The following ESRRG variants were observed in gnomAD, a reference collection of about 807,000 sequenced individuals.
The protein encoded by ESRRG is estrogen related receptor gamma.
Under a neutral mutation model 44.0 loss-of-function variants are expected in ESRRG, and 13 were observed. The observed-to-expected ratio is 0.30, with a 90% CI of 0.19 to 0.47. ESRRG has a LOEUF of 0.47. ESRRG is among the 20% of genes least tolerant of loss of function. The pLI is 1.00. For synonymous variants in ESRRG, 215 were observed against 214.6 expected (o/e 1.00, Z -0.02); for missense variants, 395 against 580.6 (o/e 0.68, Z 3.29).
intron 2 of ESRRG, among the ~76,000 whole-genome samples, chr1:216,899,465 G>A (rs1439144504): frequency 6.6e-6 from 1 of 152,186 alleles, no homozygotes; most frequent in Admixed American, 6.5e-5. Flanking sequence ...CGTCTGCTTA[G>A]GGCCACTGAA....
chr1:216,575,916 T>G (rs2061608217), intron 3 of ESRRG, among the ~76,000 whole-genome samples: 1 of 152,064 alleles, frequency 6.6e-6, no homozygotes, highest in Non-Finnish European at 1.5e-5. Flanking sequence ...GGCTAGGCGA[T>G]TTTGCCTCTA....
chr1:217,095,430 T>C (rs2092409033), intron 1 of ESRRG, among the ~76,000 whole-genome samples: 1 of 152,208 alleles, frequency 6.6e-6, no homozygotes, highest in East Asian at 1.9e-4. Flanking sequence ...CAAGGTGGAT[T>C]AGTGTAGAAA....
intron 6 of ESRRG, among the ~76,000 whole-genome samples, chr1:216,518,042 G>A (rs11572824): frequency 0.022 from 3,312 of 152,136 alleles, 105 homozygotes; most frequent in African/African-American, 0.068. Context: ...ACAGTCACGC[G>A]TCCCTGGCTC....
At chr1:216,721,874 T>C (rs1342499444) in intron 1 of ESRRG, among the ~76,000 whole-genome samples, 2 of 152,208 alleles carry the variant, frequency 1.3e-5, no homozygotes, top group African/African-American at 2.4e-5. Context: ...TAAGGTTGTT[T>C]CTTCCCTTGA....
Position 216,631,757 on chromosome 1 carries a change from T to TAC in ESRRG, c.589+19214_589+19215dup, listed in dbSNP as rs933041934. 2.0e-5 allele frequency among the ~76,000 whole-genome samples: 3 copies of TAC among 152,154 alleles called. No homozygotes were observed. In the East Asian group the frequency reaches 5.8e-4, roughly 29 times the overall value. On this transcript the variant is annotated intron_variant, in intron 3 of 6. Coordinates refer to ENST00000408911, the MANE Select transcript of ESRRG (RefSeq NM_001438.4). The stretch of plus-strand genomic sequence containing the variant: ...AGGTACAAATACAGGTACACACACA[T>TAC]ACACACATAGTAGAAATAATACAAC...
chr1:217,051,438 G>A (rs182958106), intron 1 of ESRRG, among the ~76,000 whole-genome samples: 72 of 152,218 alleles, frequency 4.7e-4, no homozygotes, highest in African/African-American at 1.6e-3. Context: ...GGCTTCTCCA[G>A]GCAAAAACTG....
intron 1 of ESRRG, among the ~76,000 whole-genome samples, chr1:217,129,185 A>G (rs1039507542): frequency 5.3e-5 from 8 of 152,356 alleles, no homozygotes; most frequent in African/African-American, 1.9e-4. Context: ...CAAGACTCTG[A>G]ATAGACATTT....
chr1:217,089,753 C>G (rs2092300272), upstream of ESRRG: 1 of 152,068 alleles, frequency 6.6e-6, no homozygotes, highest in African/African-American at 2.4e-5. Flanking sequence ...GGCCTGGCAC[C>G]CGGGGTCCGC....
chr1:217,003,572 A>AATTAGT (rs2077332019), intron 1 of ESRRG, among the ~76,000 whole-genome samples: 1 of 103,630 alleles, frequency 9.6e-6, no homozygotes, highest in Admixed American at 8.7e-5. Flanking sequence ...TATTAATACT[A>AATTAGT]ATTAATAAGT....
chr1:216,602,994 A>G (rs2059444352), intron 3 of ESRRG, among the ~76,000 whole-genome samples: 1 of 152,178 alleles, frequency 6.6e-6, no homozygotes, highest in Admixed American at 6.5e-5. Flanking sequence ...TTTTAATTCA[A>G]TTGCTATAGA....
intron 2 of ESRRG, among the ~76,000 whole-genome samples, chr1:216,761,945 G>A (rs981139614): frequency 6.6e-6 from 1 of 152,088 alleles, no homozygotes; most frequent in South Asian, 2.1e-4. Flanking sequence ...CAAGTACTAC[G>A]ATAATGGTAC....
chr1:216,627,174 C>T (rs1046298998), intron 3 of ESRRG, among the ~76,000 whole-genome samples: 11 of 152,240 alleles, frequency 7.2e-5, no homozygotes, highest in Admixed American at 4.6e-4. Flanking sequence ...ATAAACATCT[C>T]GAATCCAGAT....
intron 1 of ESRRG, among the ~76,000 whole-genome samples, chr1:216,709,703 A>T (rs2083210669): frequency 1.3e-5 from 2 of 152,030 alleles, no homozygotes; most frequent in South Asian, 2.1e-4. Context: ...TTAAAAAAAA[A>T]AATTGGAGGG....
At chr1:216,736,137 A>G (rs1028613897) in intron 2 of ESRRG, among the ~76,000 whole-genome samples, 1 of 149,040 alleles carries the variant, frequency 6.7e-6, no homozygotes, top group Admixed American at 6.7e-5. Flanking sequence ...AGACCCTATG[A>G]TCCATCCAAA....
chr1:216,573,032 TC>T (rs1350619779), intron 3 of ESRRG, among the ~76,000 whole-genome samples: 1 of 152,012 alleles, frequency 6.6e-6, no homozygotes, highest in African/African-American at 2.4e-5. Context: ...TGTAATTGTT[TC>T]TAACTACCAC....
At chr1:216,868,848 T>C (rs1294612760) in intron 2 of ESRRG, among the ~76,000 whole-genome samples, 2 of 152,246 alleles carry the variant, frequency 1.3e-5, no homozygotes, top group African/African-American at 2.4e-5. Flanking sequence ...TGTGTTTATA[T>C]GCATTTCATA....
At chr1:216,960,350 C>T (rs1189819431) in intron 1 of ESRRG, among the ~76,000 whole-genome samples, 1 of 152,130 alleles carries the variant, frequency 6.6e-6, no homozygotes, top group Non-Finnish European at 1.5e-5. Flanking sequence ...GTGGACCCTT[C>T]CTCAATTCCA....
intron 2 of ESRRG, among the ~76,000 whole-genome samples, chr1:216,837,374 G>T (rs976779185): frequency 2.0e-5 from 3 of 147,668 alleles, no homozygotes; most frequent in Admixed American, 6.9e-5. Flanking sequence ...TCGTGCCACC[G>T]CACTCCAGCC....
chr1:217,112,012 G>T (rs2092667184), intron 1 of ESRRG, among the ~76,000 whole-genome samples: 1 of 152,098 alleles, frequency 6.6e-6, no homozygotes, highest in Admixed American at 6.6e-5. Context: ...GAGGTACTCA[G>T]GTTGATAGCC....
Sources: gnomAD v4.1 joint callset for allele counts (sites outside exome capture counted in the v4.1 genomes callset) on GRCh38, gnomAD v4.1.1 for gene constraint, MANE v1.5 for transcripts, NCBI Gene and HGNC (gene_info 2026-07-23, HGNC 2026-07-21) for gene names.